Variants in CNTNAP2 observed in about 807,000 individuals in gnomAD.
CNTNAP2 encodes the protein contactin associated protein 2, also known as contactin-associated protein-like 2.
CNTNAP2 carries 98 observed loss-of-function variants against 155.2 expected under a neutral mutation model. That is an observed-to-expected ratio of 0.63 (90% confidence interval 0.54 to 0.75). The LOEUF is 0.75. CNTNAP2 is among the 30% of genes least tolerant of loss of function. The pLI is 0.00. For synonymous variants in CNTNAP2, 651 were observed against 631.2 expected (o/e 1.03, Z -0.47); for missense variants, 1,727 against 1,688.1 (o/e 1.02, Z -0.40).
At chr7:147,775,011 G>A (rs981362155) in intron 13 of CNTNAP2, among the ~76,000 whole-genome samples, 3 of 151,260 alleles carry the variant, frequency 2.0e-5, no homozygotes, top group African/African-American at 7.3e-5. Flanking sequence ...ACTCTATGTA[G>A]TATATGATTA....
intron 1 of CNTNAP2, among the ~76,000 whole-genome samples, chr7:146,479,293 G>T (rs1796925083): frequency 6.6e-6 from 1 of 152,132 alleles, no homozygotes; most frequent in Non-Finnish European, 1.5e-5. Context: ...TCTATGAATT[G>T]TGCTTCTGTT....
At chr7:147,101,439 G>A (rs928407566) in intron 4 of CNTNAP2, among the ~76,000 whole-genome samples, 3 of 152,204 alleles carry the variant, frequency 2.0e-5, no homozygotes, top group African/African-American at 4.8e-5. Context: ...GTGTCTAGGG[G>A]TGTTGCAGTG....
At position 147,899,884 on chromosome 7, in the gene CNTNAP2, C is replaced by G. The variant is rs149364701; in HGVS notation, c.2099-3681C>G. Reference sequence around the variant, plus strand: ...CTCCAGCCTGCACGACAGAGCCAGACTCCATCTCAAAAAAAAAAAAAGAAA... The same window carrying G: ...CTCCAGCCTGCACGACAGAGCCAGAGTCCATCTCAAAAAAAAAAAAAGAAA... On this transcript the variant is annotated intron_variant, in intron 13 of 23. Transcript: ENST00000361727. Among the ~76,000 whole-genome samples the G allele has an allele frequency of 2.1e-3, 289 of 135,618 alleles. 3 individuals carry two copies. In the South Asian group the frequency reaches 0.033, roughly 15 times the overall value. 89.0% of individuals were successfully genotyped at this position (135,618 alleles called of 152,430 possible).
intron 13 of CNTNAP2, among the ~76,000 whole-genome samples, chr7:147,851,979 A>C (rs1399733790): frequency 6.6e-6 from 1 of 152,172 alleles, no homozygotes; most frequent in African/African-American, 2.4e-5. Context: ...CCTTGGCTGC[A>C]GCACAGCAGC....
chr7:148,182,957 T>C (rs1388162034), intron 18 of CNTNAP2, among the ~76,000 whole-genome samples: 1 of 152,240 alleles, frequency 6.6e-6, no homozygotes, highest in Non-Finnish European at 1.5e-5. Flanking sequence ...ATTAAATTAT[T>C]GGCAGTACAA....
At chr7:147,070,752 G>T (rs1183975281) in intron 4 of CNTNAP2, among the ~76,000 whole-genome samples, 1 of 152,142 alleles carries the variant, frequency 6.6e-6, no homozygotes, top group Non-Finnish European at 1.5e-5. Flanking sequence ...TCCATGTCAG[G>T]CAACTTTAAC....
At position 148,138,201 on chromosome 7, in the gene CNTNAP2, A is replaced by G. The variant is rs560417195; in HGVS notation, c.2555-9290A>G. 3.2e-4 allele frequency among the ~76,000 whole-genome samples: 48 copies of G among 152,326 alleles called. 2 individuals carry two copies. The South Asian group carries it at 9.1e-3, about 29-fold the overall frequency. ...CAAAGCCATAGCCTTTCATCCTCAG[A>G]GTTCATCTTTGGCTTTTCCTCATTA... On this transcript the variant is annotated intron_variant, in intron 16 of 23. Coordinates refer to ENST00000361727, the MANE Select transcript of CNTNAP2 (RefSeq NM_014141.6).
chr7:147,892,774 C>G (rs1304315048), intron 13 of CNTNAP2, among the ~76,000 whole-genome samples: 1 of 152,064 alleles, frequency 6.6e-6, no homozygotes, highest in South Asian at 2.1e-4. Context: ...CATTTCAGTT[C>G]AGGTCCATTT....
chr7:146,903,895 T>C (rs1317558430), intron 3 of CNTNAP2, among the ~76,000 whole-genome samples: 1 of 152,198 alleles, frequency 6.6e-6, no homozygotes, highest in East Asian at 1.9e-4. Context: ...AAAAGATAAA[T>C]TGGTGAGGTC....
chr7:146,279,118 T>C (rs1315586548), intron 1 of CNTNAP2, among the ~76,000 whole-genome samples: 1 of 152,090 alleles, frequency 6.6e-6, no homozygotes, highest in Non-Finnish European at 1.5e-5. Flanking sequence ...TATAGTGAAA[T>C]GGATAAAGAA....
chr7:146,162,033 A>C (rs1180793135), intron 1 of CNTNAP2, among the ~76,000 whole-genome samples: 1 of 152,210 alleles, frequency 6.6e-6, no homozygotes, highest in African/African-American at 2.4e-5. Context: ...AAAGACTTAA[A>C]TGTTAGACCT....
intron 1 of CNTNAP2, among the ~76,000 whole-genome samples, chr7:146,567,435 T>C (rs1798374585): frequency 6.6e-6 from 1 of 152,146 alleles, no homozygotes. Context: ...TATTTGAAAT[T>C]ATGATAGTAA....
intron 13 of CNTNAP2, among the ~76,000 whole-genome samples, chr7:147,748,773 T>G (rs1797087813): frequency 6.6e-6 from 1 of 152,128 alleles, no homozygotes; most frequent in South Asian, 2.1e-4. Flanking sequence ...CTAAATAGTG[T>G]GTCTACAAGA....
At chr7:147,035,728 CTCAT>C (rs772945549) in intron 3 of CNTNAP2, among the ~76,000 whole-genome samples, 45 of 152,180 alleles carry the variant, frequency 3.0e-4, no homozygotes, top group Non-Finnish European at 5.9e-4. Flanking sequence ...GATACAGAGT[CTCAT>C]TCATTCGCTA....
chr7:146,244,771 G>A lies in CNTNAP2; in HGVS notation c.97+127798G>A, dbSNP rs184213503. 2.3e-3 allele frequency among the ~76,000 whole-genome samples: 347 copies of A among 152,200 alleles called. 2 individuals are homozygous for A. Among genetic ancestry groups the A allele is most frequent in the African/African-American group, 8.1e-3 (336 of 41,498 alleles). On this transcript the variant is annotated intron_variant, in intron 1 of 23. Coordinates refer to ENST00000361727, the MANE Select transcript of CNTNAP2 (RefSeq NM_014141.6). The stretch of plus-strand genomic sequence containing the variant: ...CTGAGGAGTTATGTCTGACAGAAGG[G>A]AAGAAATGACTGCGGTGGCCTTCTC...
intron 1 of CNTNAP2, among the ~76,000 whole-genome samples, chr7:146,179,428 T>G (rs1186020194): frequency 3.3e-5 from 5 of 152,126 alleles, no homozygotes; most frequent in African/African-American, 9.7e-5. Context: ...GAAAAAAACT[T>G]TAGCATTTAG....
intron 1 of CNTNAP2, among the ~76,000 whole-genome samples, chr7:146,471,672 C>G (rs556688198): frequency 9.2e-5 from 14 of 152,148 alleles, no homozygotes; most frequent in Non-Finnish European, 2.1e-4. Flanking sequence ...AGATAAATGG[C>G]GTGTTTGAAC....
chr7:147,982,835 T>C (rs1337849345), intron 15 of CNTNAP2, among the ~76,000 whole-genome samples: 6 of 151,464 alleles, frequency 4.0e-5, no homozygotes, highest in African/African-American at 1.5e-4. Context: ...CTGGCCAACA[T>C]GGTGAAGCCC....
chr7:147,634,414 A>C (rs890268062), intron 12 of CNTNAP2, among the ~76,000 whole-genome samples: 1 of 152,314 alleles, frequency 6.6e-6, no homozygotes, highest in South Asian at 2.1e-4. Flanking sequence ...AAGACATAAA[A>C]GCATAACAAT....
Sources: allele counts gnomAD v4.1 joint callset (sites outside exome capture counted in the v4.1 genomes callset), GRCh38; gene constraint gnomAD v4.1.1; transcripts MANE v1.5; gene names NCBI Gene and HGNC (gene_info 2026-07-23, HGNC 2026-07-21).